The following HPS1 variants were observed in gnomAD, a reference collection of about 807,000 sequenced individuals.
The protein encoded by HPS1 is HPS1 biogenesis of lysosomal organelles complex 3 subunit 1.
HPS1 carries 59 observed loss-of-function variants against 90.6 expected under a neutral mutation model. That is an observed-to-expected ratio of 0.65 (90% CI 0.53 to 0.81). The LOEUF (loss-of-function observed/expected upper bound fraction) is 0.81, where lower values mean the gene tolerates loss of function less well. Ranked by LOEUF, HPS1 falls within the 30% of genes least tolerant of loss-of-function variation. HPS1 has a pLI of 0.00. For synonymous variants in HPS1, 388 were observed against 384.4 expected (o/e 1.01, Z -0.11); for missense variants, 849 against 896.7 (o/e 0.95, Z 0.68).
intron 10 of HPS1, chr10:98,429,241 AATTAGATGATT>A: frequency 8.9e-7 from 1 of 1,129,370 alleles, no homozygotes; most frequent in Non-Finnish European, 1.1e-6. Context: ...AATGTATAGA[AATTAGATGATT>A]ATTACTAAAT....
At chr10:98,439,207 A>C (rs914644022) in intron 3 of HPS1, among the ~76,000 whole-genome samples, 1 of 152,218 alleles carries the variant, frequency 6.6e-6, no homozygotes, top group African/African-American at 2.4e-5. Context: ...AGACACCTCC[A>C]CACAGAGTCC....
At position 98,430,662 on chromosome 10, in the gene HPS1, G is replaced by A; in HGVS notation, c.677C>T (p.Ala226Val). 1.3e-6 allele frequency: 2 copies of A among 1,552,746 alleles called. No homozygotes were observed. Among genetic ancestry groups the A allele is most frequent in the South Asian group, 2.4e-5 (2 of 84,138 alleles). The change falls in exon 8 of 20, where the codon GCC becomes GTC. Residue 226 changes from alanine (A) to valine (V), a missense_variant. Coordinates refer to ENST00000361490, the MANE Select transcript of HPS1 (RefSeq NM_000195.5). The part of the protein sequence containing the change: ...KLLAFYSSHS[A>V]SSLRPADLLA... ...CAGGTCGGCCGGGCGCAGGGAGCTG[G>A]CACTGTGGCTGCAGACACAGGAGCA...
At chr10:98,424,753 A>G (rs1845374929) in intron 13 of HPS1, among the ~76,000 whole-genome samples, 1 of 151,992 alleles carries the variant, frequency 6.6e-6, no homozygotes, top group Non-Finnish European at 1.5e-5. Flanking sequence ...GGCATGGGGT[A>G]GCCATGCAGG....
At chr10:98,430,868 G>T (rs1217075330) in intron 7 of HPS1, among the ~76,000 whole-genome samples, 198 bp from the exon 8 acceptor site, 1 of 152,192 alleles carries the variant, frequency 6.6e-6, no homozygotes, top group Non-Finnish European at 1.5e-5. Context: ...AAAAGAAAAT[G>T]ATTTAGCAGT....
At chr10:98,433,779 C>A (rs1846872470) in intron 6 of HPS1, among the ~76,000 whole-genome samples, 1 of 152,176 alleles carries the variant, frequency 6.6e-6, no homozygotes, top group South Asian at 2.1e-4. Flanking sequence ...ATGTGTTATC[C>A]AGGATCGAGC....
At chr10:98,437,705 A>AT (rs1468704391) in intron 3 of HPS1, among the ~76,000 whole-genome samples, 1 of 152,246 alleles carries the variant, frequency 6.6e-6, no homozygotes, top group Non-Finnish European at 1.5e-5. Context: ...AAATCACCTA[A>AT]TGATGAGTTT....
intron 3 of HPS1, among the ~76,000 whole-genome samples, chr10:98,440,239 A>G (rs1438780371): frequency 6.6e-6 from 1 of 152,232 alleles, no homozygotes; most frequent in South Asian, 2.1e-4. Context: ...AAAGTAGTAC[A>G]ATATCTTTGA....
At chr10:98,440,158 C>G (rs1228217998) in intron 3 of HPS1, among the ~76,000 whole-genome samples, 2 of 152,046 alleles carry the variant, frequency 1.3e-5, no homozygotes, top group Non-Finnish European at 2.9e-5. Flanking sequence ...AGAAAATGGA[C>G]TAATACAGGG....
At chr10:98,422,698 C>T (rs1012909965) in intron 16 of HPS1, among the ~76,000 whole-genome samples, 185 bp from the exon 17 acceptor site, 4 of 152,160 alleles carry the variant, frequency 2.6e-5, no homozygotes, top group African/African-American at 9.7e-5. Context: ...TCCAAGCTCC[C>T]CAGGCCTTGA....
intron 14 of HPS1, 94 bp from the exon 15 acceptor site, chr10:98,423,981 A>T: frequency 2.0e-6 from 3 of 1,494,710 alleles, no homozygotes; most frequent in Non-Finnish European, 1.8e-6. Context: ...CAGGACAGAC[A>T]GACCTGGGGA....
rs746269192 is a variant in HPS1, at chr10:98,431,176, T to C, written c.623A>G (p.His208Arg). The change falls in exon 7 of 20, where the codon CAT (histidine) becomes CGT (arginine). Residue 208 changes from histidine (H) to arginine (R), a missense_variant. His to Arg is a conservative substitution (Grantham distance 29). Transcript: ENST00000361490. The stretch of plus-strand genomic sequence containing the variant: ...CTTGGAGTGCACGAGCAGGAAGGCA[T>C]GCAGGGCCTCCTCGCCTCCCCGCTC... ...SPERGGEEAL[H>R]AFLLVHSKLL... 13 of 1,614,026 alleles carry C rather than the reference T, an allele frequency of 8.1e-6. No homozygotes were observed. Among genetic ancestry groups the C allele is most frequent in the African/African-American group, 8.0e-5 (6 of 74,928 alleles).
chr10:98,427,065 G>A, intron 11 of HPS1, 150 bp downstream of exon 11: 1 of 633,412 alleles, frequency 1.6e-6, no homozygotes, highest in Non-Finnish European at 2.7e-6. Context: ...CTGGCACCAG[G>A]ACAGGCACCT....
chr10:98,415,324 T>A (rs971560584), downstream of HPS1: 3 of 747,668 alleles, frequency 4.0e-6, no homozygotes, highest in African/African-American at 5.4e-5. Flanking sequence ...TGCTGGGCCG[T>A]CGGGAGTGTT....
chr10:98,435,327 G>T lies in HPS1; in HGVS notation c.343C>A (p.Leu115Met). The T allele has an allele frequency of 6.2e-7, 1 of 1,614,004 alleles. No individual in the cohort carries two copies. The highest frequency in any genetic ancestry group is 8.5e-7 in the Non-Finnish European group (1 of 1,180,014). ...LRRKLYVLKY[L>M]FEVHFGLVTV... Reference sequence around the variant, plus strand: ...ACCAGCCCAAAGTGCACTTCAAACAGGTACTTGAGCACATACAGCTTCCGC... The same window carrying T: ...ACCAGCCCAAAGTGCACTTCAAACATGTACTTGAGCACATACAGCTTCCGC... Residue 115 changes from leucine (L) to methionine (M), a missense_variant, in exon 5 of 20, where the codon CTG becomes ATG. Physicochemically the swap from Leu to Met is conservative, Grantham distance 15. Coordinates refer to ENST00000361490, the MANE Select transcript of HPS1 (RefSeq NM_000195.5). The surrounding 1 kb of genome is among the most constrained non-coding windows in gnomAD (Gnocchi z 4.3).
chr10:98,434,622 G>A (rs141299967), intron 5 of HPS1, among the ~76,000 whole-genome samples: 130 of 151,844 alleles, frequency 8.6e-4, no homozygotes, highest in East Asian at 2.5e-3. Flanking sequence ...TGCTCATATC[G>A]CCACAAAACT....
At chr10:98,426,544 C>T (rs1312380880) in intron 11 of HPS1, among the ~76,000 whole-genome samples, 1 of 152,156 alleles carries the variant, frequency 6.6e-6, no homozygotes, top group South Asian at 2.1e-4. Flanking sequence ...CAGTGTCATA[C>T]CTAACAGCAA....
intron 6 of HPS1, among the ~76,000 whole-genome samples, chr10:98,431,558 A>G (rs2136217030): frequency 6.6e-6 from 1 of 152,392 alleles, no homozygotes; most frequent in Non-Finnish European, 1.5e-5. Context: ...CAAAATACAC[A>G]GCACTAGGCT....
In HPS1 at chr10:98,427,577, TC is replaced by T. The variant is rs1424011997; in HGVS notation, c.938-314del. On this transcript the variant is annotated intron_variant, in intron 10 of 19. Coordinates refer to ENST00000361490, the MANE Select transcript of HPS1 (RefSeq NM_000195.5). ...GTCAGGGGGTAGAGGGGCATCTTCCTCCCCCCTCCCTTGCCCCCAATCCCCT... is the reference window on the plus strand; with the variant it reads ...GTCAGGGGGTAGAGGGGCATCTTCCTCCCCCTCCCTTGCCCCCAATCCCCT... 2.0e-5 allele frequency among the ~76,000 whole-genome samples: 3 copies of T among 151,996 alleles called. No homozygotes were observed. The East Asian group carries it at 5.8e-4, about 30-fold the overall frequency.
At chr10:98,424,236 G>A in intron 14 of HPS1, 77 bp downstream of exon 14, 1 of 1,023,020 alleles carries the variant, frequency 9.8e-7, no homozygotes, top group Non-Finnish European at 1.5e-6. Flanking sequence ...AAGGGCAGTG[G>A]TGGAGGAGAT....
Sources: gnomAD v4.1 joint callset for allele counts (sites outside exome capture counted in the v4.1 genomes callset) on GRCh38, gnomAD v4.1.1 for gene constraint, Gnocchi (gnomAD v3.1) non-coding constraint, MANE v1.5 for transcripts, NCBI Gene and HGNC (gene_info 2026-07-23, HGNC 2026-07-21) for gene names.